The following PDE4D variants were observed in gnomAD, a reference collection of about 807,000 sequenced individuals.
PDE4D encodes the protein 3',5'-cyclic-AMP phosphodiesterase 4D.
A neutral mutation model predicts 87.4 loss-of-function variants in PDE4D; 24 were observed. That is an observed-to-expected ratio of 0.27 (90% CI 0.20 to 0.39). PDE4D has a LOEUF of 0.39. Among genes scored for constraint, PDE4D ranks in the 10% least tolerant of loss-of-function variants. The probability of loss-of-function intolerance (pLI) is 1.00; values close to 1 mark genes in which losing one functional copy is unlikely to be tolerated. For synonymous variants in PDE4D, 384 were observed against 383.2 expected, an observed-to-expected ratio of 1.00 and a Z score of -0.02; for missense variants, 714 against 1,041.0, an observed-to-expected ratio of 0.69 and a Z score of 4.32.
At position 59,301,005 on chromosome 5, in the gene PDE4D, G is replaced by A. The variant is rs182987035; in HGVS notation, c.456-85037C>T. Reference sequence around the variant, plus strand: ...AGAGATGCATATAGGGTGAGGTATGGGGGAAGGGGTGTGGAGCTTCCATGC... The same window carrying A: ...AGAGATGCATATAGGGTGAGGTATGAGGGAAGGGGTGTGGAGCTTCCATGC... On this transcript the variant is annotated intron_variant, in intron 1 of 14. Transcript: ENST00000340635. Among the ~76,000 whole-genome samples the A allele has an allele frequency of 4.3e-4, 65 of 152,266 alleles. 1 individual carries two copies. Among genetic ancestry groups the A allele is most frequent in the Admixed American group, 2.7e-3 (41 of 15,294 alleles).
At position 59,839,813 on chromosome 5, in the gene PDE4D, A is replaced by G. The variant is rs556524604; in HGVS notation, c.455+53355T>C. 2.6e-5 allele frequency among the ~76,000 whole-genome samples: 4 copies of G among 152,090 alleles called. No individual in the cohort carries two copies. In the South Asian group the frequency reaches 8.3e-4, roughly 31 times the overall value. On this transcript the variant is annotated intron_variant, in intron 1 of 14. Coordinates refer to ENST00000340635, the MANE Select transcript of PDE4D (RefSeq NM_001104631.2). ...ATAGCATGGCTTCCACAAAAGTCAT[A>G]TAACTGTAGCTTGCATCCATAGAAA...
chr5:59,743,159 C>T (rs1305042667), intron 1 of PDE4D, among the ~76,000 whole-genome samples: 1 of 151,802 alleles, frequency 6.6e-6, no homozygotes, highest in African/African-American at 2.4e-5. Flanking sequence ...TTTCCTTATT[C>T]TTCATAATCA....
intron 1 of PDE4D, among the ~76,000 whole-genome samples, chr5:59,566,413 C>T (rs1339157124): frequency 2.6e-5 from 4 of 152,082 alleles, no homozygotes; most frequent in African/African-American, 9.7e-5. Context: ...AAATCACAGC[C>T]TGAACTACTC....
At chr5:60,166,026 T>C (rs1014733975) in intron 2 of PDE4D, among the ~76,000 whole-genome samples, 64 of 152,284 alleles carry the variant, frequency 4.2e-4, no homozygotes, top group African/African-American at 1.4e-3. Context: ...GCATTTTGTG[T>C]TGTGTGTACC....
chr5:60,048,081 A>T (rs1409571584), intron 2 of PDE4D, among the ~76,000 whole-genome samples: 2 of 152,032 alleles, frequency 1.3e-5, no homozygotes, highest in African/African-American at 2.4e-5. Flanking sequence ...TAGGATAGTT[A>T]GCTCTTCTTG....
intron 1 of PDE4D, among the ~76,000 whole-genome samples, chr5:60,194,720 TA>T (rs1221352311): frequency 6.6e-6 from 1 of 151,784 alleles, no homozygotes; most frequent in East Asian, 1.9e-4. Context: ...GTGTATACTT[TA>T]ACCCGCCACA....
chr5:60,274,280 C>T (rs547713730), intron 1 of PDE4D, among the ~76,000 whole-genome samples: 8 of 152,292 alleles, frequency 5.3e-5, no homozygotes, highest in South Asian at 4.1e-4. Flanking sequence ...TAAGGAGCCA[C>T]TTAAAATCAG....
chr5:59,523,998 A>T (rs1317517843), intron 1 of PDE4D, among the ~76,000 whole-genome samples: 1 of 152,102 alleles, frequency 6.6e-6, no homozygotes, highest in East Asian at 1.9e-4. Context: ...AGTCAATTAA[A>T]CCCGTTTCCT....
chr5:60,346,514 G>A (rs1006654181), intron 1 of PDE4D, among the ~76,000 whole-genome samples: 3 of 152,116 alleles, frequency 2.0e-5, no homozygotes, highest in Admixed American at 2.0e-4. Context: ...CATTTCCCAT[G>A]GTTTTGCAAA....
chr5:60,208,495 A>C (rs1303578389), intron 1 of PDE4D, among the ~76,000 whole-genome samples: 1 of 152,174 alleles, frequency 6.6e-6, no homozygotes, highest in African/African-American at 2.4e-5. Context: ...CTATGGGTGC[A>C]CAGCCCCTTA....
chr5:60,122,747 C>T (rs780901186), intron 2 of PDE4D, among the ~76,000 whole-genome samples: 1 of 152,216 alleles, frequency 6.6e-6, no homozygotes, highest in Non-Finnish European at 1.5e-5. Flanking sequence ...TTCGGCCTCT[C>T]GTTACTTATG....
intron 1 of PDE4D, among the ~76,000 whole-genome samples, chr5:60,505,809 G>T (rs1750294868): frequency 6.6e-6 from 1 of 152,158 alleles, no homozygotes; most frequent in African/African-American, 2.4e-5. Context: ...CTCCCTTAGG[G>T]TGCCATTTTA....
At chr5:59,145,846 G>T (rs189367835) in intron 5 of PDE4D, among the ~76,000 whole-genome samples, 16 of 152,252 alleles carry the variant, frequency 1.1e-4, no homozygotes, top group Non-Finnish European at 2.2e-4. Context: ...CCAAAATCTG[G>T]CTGGGCGCAG....
intron 1 of PDE4D, among the ~76,000 whole-genome samples, chr5:60,518,304 A>T (rs1750893253): frequency 6.6e-6 from 1 of 152,230 alleles, no homozygotes; most frequent in Non-Finnish European, 1.5e-5. Flanking sequence ...GAACCAGCCC[A>T]GTGGGCCCGA....
At chr5:59,652,739 A>G (rs1207178940) in intron 1 of PDE4D, among the ~76,000 whole-genome samples, 1 of 151,806 alleles carries the variant, frequency 6.6e-6, no homozygotes, top group African/African-American at 2.4e-5. Context: ...TTCAAATCTC[A>G]ATACTTTCAC....
chr5:59,666,728 T>C (rs1240639694), intron 1 of PDE4D, among the ~76,000 whole-genome samples: 3 of 152,228 alleles, frequency 2.0e-5, no homozygotes, highest in African/African-American at 7.2e-5. Context: ...CTAGCAATGA[T>C]AGATTCCACA....
At chr5:59,098,374 A>G (rs113244894) in intron 5 of PDE4D, among the ~76,000 whole-genome samples, 5,828 of 152,182 alleles carry the variant, frequency 0.038, 137 homozygotes, top group Non-Finnish European at 0.054. Flanking sequence ...AATGGCTTCA[A>G]TAAGAAAGAG....
intron 1 of PDE4D, among the ~76,000 whole-genome samples, chr5:59,518,950 G>T (rs1366537982): frequency 6.6e-6 from 1 of 152,192 alleles, no homozygotes; most frequent in African/African-American, 2.4e-5. Context: ...GCCTTCGAAA[G>T]GCACTAGGCT....
chr5:60,094,084 A>G (rs955962361), intron 2 of PDE4D, among the ~76,000 whole-genome samples: 1 of 152,200 alleles, frequency 6.6e-6, no homozygotes, highest in Admixed American at 6.5e-5. Flanking sequence ...CCATGCATAT[A>G]TCACTAACTT....
Sources: gnomAD v4.1 joint callset for allele counts (sites outside exome capture counted in the v4.1 genomes callset) on GRCh38, gnomAD v4.1.1 for gene constraint, MANE v1.5 for transcripts, NCBI Gene and HGNC (gene_info 2026-07-23, HGNC 2026-07-21) for gene names.